The following SPATS2L variants were observed in gnomAD, a reference collection of about 807,000 sequenced individuals.
SPATS2L encodes the protein SPATS2-like protein.
SPATS2L carries 30 observed loss-of-function variants against 59.6 expected under a neutral mutation model. The observed-to-expected ratio is 0.50, with a 90% confidence interval of 0.38 to 0.68. The LOEUF (loss-of-function observed/expected upper bound fraction) is 0.68, where lower values mean the gene tolerates loss of function less well. SPATS2L is among the 30% of genes least tolerant of loss of function. The pLI, the probability that SPATS2L is intolerant of heterozygous loss-of-function variation, is 0.00. For synonymous variants in SPATS2L, 252 were observed against 263.5 expected (o/e 0.96, Z 0.42); for missense variants, 615 against 700.0 (o/e 0.88, Z 1.37).
At chr2:200,471,687 G>A (rs890834434) in intron 11 of SPATS2L, among the ~76,000 whole-genome samples, 2 of 152,090 alleles carry the variant, frequency 1.3e-5, no homozygotes, top group African/African-American at 2.4e-5. Context: ...TAGGAGCCAC[G>A]GAAATCCCCT....
upstream of SPATS2L, chr2:200,306,520 G>C (rs963430091): frequency 1.0e-6 from 1 of 1,002,324 alleles, no homozygotes; most frequent in Non-Finnish European, 1.2e-6. Flanking sequence ...GCGTGTGAGC[G>C]GATACAAAAC....
chr2:200,343,960 A>G (rs2080418997), intron 2 of SPATS2L, among the ~76,000 whole-genome samples: 4 of 151,964 alleles, frequency 2.6e-5, no homozygotes, highest in Admixed American at 2.6e-4. Flanking sequence ...GCATTCTTCT[A>G]TTTTATCTAT....
At chr2:200,389,395 G>C (rs183269653) in intron 3 of SPATS2L, 112 bp downstream of exon 3, 1 of 705,110 alleles carries the variant, frequency 1.4e-6, no homozygotes, top group African/African-American at 1.8e-5. Flanking sequence ...TGGGGGATAC[G>C]TAGTAAGTTT....
intron 1 of SPATS2L, among the ~76,000 whole-genome samples, chr2:200,320,998 G>GA (rs910253650): frequency 1.3e-5 from 2 of 151,208 alleles, no homozygotes; most frequent in Non-Finnish European, 3.0e-5. Context: ...TTTCTTTTTT[G>GA]AAAAAAAATC....
At chr2:200,366,396 TAAC>T (rs2081270213) in intron 2 of SPATS2L, among the ~76,000 whole-genome samples, 1 of 152,164 alleles carries the variant, frequency 6.6e-6, no homozygotes, top group African/African-American at 2.4e-5. Context: ...CCTGAGAAAA[TAAC>T]AAATTCTGCT....
intron 2 of SPATS2L, among the ~76,000 whole-genome samples, chr2:200,348,426 T>G (rs144356505): frequency 6.6e-6 from 1 of 152,346 alleles, no homozygotes; most frequent in Non-Finnish European, 1.5e-5. Context: ...AAGCCAGTAT[T>G]GATTTTCCAG....
chr2:200,468,279 A>G (rs2086740148), intron 10 of SPATS2L, among the ~76,000 whole-genome samples: 1 of 151,420 alleles, frequency 6.6e-6, no homozygotes, highest in African/African-American at 2.4e-5. Context: ...GAAGGCAAGT[A>G]TAAGTATTTA....
At chr2:200,455,336 G>A (rs536688604) in intron 8 of SPATS2L, among the ~76,000 whole-genome samples, 2 of 152,320 alleles carry the variant, frequency 1.3e-5, no homozygotes, top group East Asian at 1.9e-4. Flanking sequence ...AGGACTCAGA[G>A]CTGATTAGAT....
At chr2:200,369,240 C>G (rs2081354014) in intron 2 of SPATS2L, among the ~76,000 whole-genome samples, 1 of 152,090 alleles carries the variant, frequency 6.6e-6, no homozygotes. Flanking sequence ...CCCACTGCAG[C>G]CTCTGCCTCC....
chr2:200,449,013 AT>A (rs1253479115), intron 8 of SPATS2L, among the ~76,000 whole-genome samples: 2 of 152,206 alleles, frequency 1.3e-5, no homozygotes, highest in Admixed American at 6.5e-5. Flanking sequence ...GCAAATACAC[AT>A]ATAACATGGA....
At chr2:200,441,959 T>C (rs1045913102) in intron 8 of SPATS2L, among the ~76,000 whole-genome samples, 2 of 152,180 alleles carry the variant, frequency 1.3e-5, no homozygotes, top group African/African-American at 4.8e-5. Flanking sequence ...AATGCATGAA[T>C]TTTAAACCAT....
At chr2:200,455,088 A>T (rs1352246680) in intron 8 of SPATS2L, among the ~76,000 whole-genome samples, 3 of 152,230 alleles carry the variant, frequency 2.0e-5, no homozygotes, top group Non-Finnish European at 4.4e-5. Context: ...AAATTCTGTC[A>T]GTGACCAAAA....
chr2:200,393,354 G>T, intron 3 of SPATS2L: 1 of 456,662 alleles, frequency 2.2e-6, no homozygotes, highest in South Asian at 1.5e-5. Context: ...AGGCTGATCT[G>T]TTAGCACACA....
rs1402976919 is a variant in SPATS2L, at chr2:200,345,450, T to A, written c.-23+15970T>A. On this transcript the variant is annotated intron_variant, in intron 2 of 12. Transcript: ENST00000409140. ...ACATATTTCAGCTGAACATGTGTGCTGTGATTTTGAAAACACTGACTACTC... is the reference window on the plus strand; with the variant it reads ...ACATATTTCAGCTGAACATGTGTGCAGTGATTTTGAAAACACTGACTACTC... Among the ~76,000 whole-genome samples, 171 of 152,354 alleles carry A rather than the reference T, an allele frequency of 1.1e-3. 1 individual carries two copies. Among genetic ancestry groups the A allele is most frequent in the Admixed American group, 2.0e-3 (31 of 15,300 alleles).
chr2:200,384,778 T>C (rs1209989895), intron 2 of SPATS2L, among the ~76,000 whole-genome samples: 1 of 152,240 alleles, frequency 6.6e-6, no homozygotes, highest in Non-Finnish European at 1.5e-5. Flanking sequence ...CTATTTTTCT[T>C]TAGGACATAT....
At chr2:200,451,916 ATTTTG>A (rs1476755390) in intron 8 of SPATS2L, among the ~76,000 whole-genome samples, 1 of 148,880 alleles carries the variant, frequency 6.7e-6, no homozygotes, top group Non-Finnish European at 1.5e-5. Context: ...ATTTTGCTTT[ATTTTG>A]TTTTATTTTG....
At chr2:200,458,476 A>G (rs2086009095) in intron 8 of SPATS2L, among the ~76,000 whole-genome samples, 1 of 152,202 alleles carries the variant, frequency 6.6e-6, no homozygotes, top group African/African-American at 2.4e-5. Flanking sequence ...ACCTGAATCT[A>G]ATCAGATTTC....
At chr2:200,363,403 G>C (rs536208792) in intron 2 of SPATS2L, among the ~76,000 whole-genome samples, 4 of 152,298 alleles carry the variant, frequency 2.6e-5, no homozygotes, top group African/African-American at 7.2e-5. Context: ...GTCTTCTTCA[G>C]CTGTAGCCCT....
intron 2 of SPATS2L, chr2:200,378,263 T>G (rs540968032): frequency 2.0e-6 from 2 of 1,002,456 alleles, no homozygotes. Context: ...TAAAAGCAAG[T>G]TGATAAAGGT....
Sources: allele counts gnomAD v4.1 joint callset (sites outside exome capture counted in the v4.1 genomes callset), GRCh38; gene constraint gnomAD v4.1.1; transcripts MANE v1.5; gene names NCBI Gene and HGNC (gene_info 2026-07-23, HGNC 2026-07-21).